Variants in C1R observed in about 807,000 individuals in gnomAD.
C1R encodes the protein complement C1r subcomponent.
C1R carries 15 observed loss-of-function variants against 27.6 expected under a neutral mutation model. The ratio of observed to expected loss-of-function variants is 0.54; its 90% CI spans 0.36 to 0.84. The LOEUF (loss-of-function observed/expected upper bound fraction) is 0.84, where lower values mean the gene tolerates loss of function less well. C1R is among the 40% of genes least tolerant of loss of function. The probability of loss-of-function intolerance (pLI) is 0.01; values close to 1 mark genes in which losing one functional copy is unlikely to be tolerated. For synonymous variants in C1R, 253 were observed against 228.8 expected (o/e 1.11, Z -0.95); for missense variants, 544 against 577.9 (o/e 0.94, Z 0.60).
At chr12:7,092,204 G>A (rs973382237) in intron 1 of C1R, 183 bp downstream of exon 1, 2 of 659,342 alleles carry the variant, frequency 3.0e-6, no homozygotes, top group African/African-American at 1.8e-5. Context: ...TATGTATGAA[G>A]TCTCCTCTGA....
chr12:7,091,482 A>C lies in C1R; in HGVS notation c.201T>G (p.Pro67=). ...CATAATCATAGAAGCAGCCTTCAGAAGGCTCCAGGTCAAACTGCTGGAAGA... is the reference window on the plus strand; with the variant it reads ...CATAATCATAGAAGCAGCCTTCAGACGGCTCCAGGTCAAACTGCTGGAAGA... ...KLVFQQFDLE[P]SEGCFYDYVK... The change falls in exon 2 of 11, where the codon CCT becomes CCG. Residue 67 remains proline (P), a synonymous_variant. Coordinates refer to ENST00000647956, the MANE Select transcript of C1R (RefSeq NM_001733.7). This position sits in a 1 kb window ranked among gnomAD's most constrained non-coding sequence, Gnocchi z 5.1. 1 of 775,168 alleles carries C rather than the reference A, an allele frequency of 1.3e-6. No individual in the cohort carries two copies. Among genetic ancestry groups the C allele is most frequent in the African/African-American group, 1.7e-5 (1 of 59,142 alleles). The allele number at this position is 775,168 out of a possible 1,614,324, so 48.0% of individuals were successfully genotyped here.
At chr12:7,085,678 C>T in intron 9 of C1R, among the ~76,000 whole-genome samples, 183 bp downstream of exon 9, 1 of 152,194 alleles carries the variant, frequency 6.6e-6, no homozygotes, top group Non-Finnish European at 1.5e-5. Flanking sequence ...TTCTTTGCAT[C>T]AGCTCAGATG....
Position 7,080,311 on chromosome 12 carries a change from T to C in C1R, c.*221A>G, listed in dbSNP as rs749454992. ...GAGGAAAGTGACAACTAGAGATTGA[T>C]AACTATATCCTCTGCAATCCTCAGA... On this transcript the variant is annotated 3_prime_UTR_variant, in exon 11 of 11. Coordinates refer to ENST00000647956, the MANE Select transcript of C1R (RefSeq NM_001733.7). This position sits in a 1 kb window ranked among gnomAD's most constrained non-coding sequence, Gnocchi z 4.9. 57 of 1,238,960 alleles carry C rather than the reference T, an allele frequency of 4.6e-5. No individual in the cohort carries two copies. The highest frequency in any genetic ancestry group is 5.6e-5 in the Non-Finnish European group (55 of 990,604). The allele number at this position is 1,238,960 out of a possible 1,614,324, so 76.7% of individuals were successfully genotyped here. A position where few individuals can be genotyped will look rare whatever the true frequency, so the allele number is the denominator to read the frequency against.
chr12:7,081,083 G>A lies in C1R; in HGVS notation c.1567C>T (p.His523Tyr). ...SNASLDVFLGHTNVEELMKLG... is the reference protein window; with the variant it reads ...SNASLDVFLGYTNVEELMKLG... Reference sequence around the variant, plus strand: ...TTCATGAGCTCTTCCACATTTGTGTGGCCCAGGAACACATCCAAAGAGGCG... The same window carrying A: ...TTCATGAGCTCTTCCACATTTGTGTAGCCCAGGAACACATCCAAAGAGGCG... The change falls in exon 11 of 11, where the codon CAC (histidine) becomes TAC (tyrosine). Residue 523 changes from histidine to tyrosine, a missense_variant. Around this residue, in one of 2 missense-constraint regions of C1R, gnomAD observed 253 missense variants for 368.9 expected, o/e 0.69. Transcript: ENST00000647956. 6.2e-7 allele frequency: 1 copy of A among 1,614,048 alleles called. No homozygotes were observed. Among genetic ancestry groups the A allele is most frequent in the Non-Finnish European group, 8.5e-7 (1 of 1,179,902 alleles).
At position 7,080,811 on chromosome 12, in the gene C1R, G is replaced by T. The variant is rs776397231; in HGVS notation, c.1839C>A (p.Pro613=). The change falls in exon 11 of 11, where the codon CCC becomes CCA. Residue 613 remains proline, a synonymous_variant. Coordinates refer to ENST00000647956, the MANE Select transcript of C1R (RefSeq NM_001733.7). The surrounding 1 kb of genome is among the most constrained non-coding windows in gnomAD (Gnocchi z 4.9). ...TCTCACAGGCCTGTGGATTAGCTAC[G>T]GGCAGACGGACAAACCTGAGGTCAT... is the stretch of plus-strand genomic sequence containing the variant. ...IAHDLRFVRL[P]VANPQACENW... 9 of 1,613,882 alleles carry T rather than the reference G, an allele frequency of 5.6e-6. No homozygotes were observed. The highest frequency in any genetic ancestry group is 7.6e-6 in the Non-Finnish European group (9 of 1,179,844).
At position 7,092,422 on chromosome 12, in the gene C1R, C is replaced by T. The variant is rs1202195716; in HGVS notation, c.-34G>A. On this transcript the variant is annotated 5_prime_UTR_variant, in exon 1 of 11. Transcript: ENST00000647956. ...GCCCGTGTTGAATCCTGGGCTCTCC[C>T]GACAGCGTCTTCGTGCACTGTGTGC... 3.8e-6 allele frequency: 3 copies of T among 780,706 alleles called. No homozygotes were observed. Among genetic ancestry groups the T allele is most frequent in the South Asian group, 1.3e-5 (1 of 74,590 alleles). 48.4% of individuals were successfully genotyped at this position (780,706 alleles called of 1,614,324 possible).
At chr12:7,083,530 G>GTTA (rs1938104992) in intron 9 of C1R, among the ~76,000 whole-genome samples, 3 of 150,902 alleles carry the variant, frequency 2.0e-5, no homozygotes, top group Non-Finnish European at 4.4e-5. Flanking sequence ...TGGTAATGGT[G>GTTA]GTGGTGATCA....
At chr12:7,083,161 C>T (rs1938093560) in intron 9 of C1R, among the ~76,000 whole-genome samples, 1 of 152,068 alleles carries the variant, frequency 6.6e-6, no homozygotes, top group South Asian at 2.1e-4. Flanking sequence ...AGGGGAGTTT[C>T]ACTGAGTTAG....
At chr12:7,083,297 A>G (rs905799402) in intron 9 of C1R, among the ~76,000 whole-genome samples, 1 of 63,372 alleles carries the variant, frequency 1.6e-5, no homozygotes, top group Non-Finnish European at 3.2e-5. Flanking sequence ...GTTGGTAGTG[A>G]TGATGGTGTT....
chr12:7,086,497 G>A, intron 7 of C1R, 40 bp from the exon 8 acceptor site: 1 of 398,570 alleles, frequency 2.5e-6, no homozygotes, highest in Non-Finnish European at 4.4e-6. Flanking sequence ...GTGCCAAGAG[G>A]CAATGGAGGT....
At position 7,088,579 on chromosome 12, in the gene C1R, C is replaced by T. The variant is rs746090131; in HGVS notation, c.1038+31G>A. The T allele has an allele frequency of 2.8e-5, 20 of 718,876 alleles. No individual in the cohort carries two copies. In the Admixed American group the frequency reaches 2.8e-4, roughly 10 times the overall value. 44.5% of individuals were successfully genotyped at this position (718,876 alleles called of 1,614,324 possible). Reference sequence around the variant, plus strand: ...CTGAATTCCTCCTGGGGTGCTGGGCCGGCTCTCTCCCCTCAGCCCTGGGCT... The same window carrying T: ...CTGAATTCCTCCTGGGGTGCTGGGCTGGCTCTCTCCCCTCAGCCCTGGGCT... On this transcript the variant is annotated intron_variant, in intron 7 of 10. Coordinates refer to ENST00000647956, the MANE Select transcript of C1R (RefSeq NM_001733.7).
Position 7,081,174 on chromosome 12 carries a change from C to A in C1R, c.1476G>T (p.Leu492=), listed in dbSNP as rs1205364574. The A allele has an allele frequency of 6.2e-7, 1 of 1,613,950 alleles. No individual in the cohort carries two copies. The highest frequency in any genetic ancestry group is 1.1e-5 in the South Asian group (1 of 91,082). The change falls in exon 11 of 11, where the codon CTG becomes CTT. Residue 492 remains leucine (L), a synonymous_variant. Coordinates refer to ENST00000647956, the MANE Select transcript of C1R (RefSeq NM_001733.7). ...NIHGRGGGAL[L]GDRWILTAAH... is the part of the protein sequence containing the mutation. ...CAGCTGTGAGGATCCAGCGGTCGCC[C>A]AGCAGGGCCCCGCCCCCGCGCCCGT...
chr12:7,088,874 TC>T lies in C1R; in HGVS notation c.880del (p.Asp294ThrfsTer22), dbSNP rs1565630485. The part of the protein sequence containing the change: ...DLLFFTDESG[D>X]SRGWKLRYTT... ...GTAGCGCAGCTTCCAGCCCCGGCTG[TC>T]CCCCGACTCATCTGTGAAGAACAGC... On this transcript the variant is annotated frameshift_variant, in exon 6 of 11. Coordinates refer to ENST00000647956, the MANE Select transcript of C1R (RefSeq NM_001733.7). LOFTEE classifies it high-confidence loss of function. The T allele has an allele frequency of 2.6e-6, 2 of 776,554 alleles. No individual in the cohort carries two copies. The highest frequency in any genetic ancestry group is 4.8e-6 in the Non-Finnish European group (2 of 416,688). 48.1% of individuals were successfully genotyped at this position (776,554 alleles called of 1,614,324 possible).
rs1390583501 is a variant in C1R at position 7,091,550 on chromosome 12, T to C, written c.133A>G (p.Thr45Ala). The change falls in exon 2 of 11, where the codon ACC (threonine) becomes GCC (alanine). Residue 45 changes from threonine (T) to alanine (A), a missense_variant. Physicochemically the swap from Thr to Ala is moderately conservative, Grantham distance 58. Around this residue, in one of 2 missense-constraint regions of C1R, gnomAD observed 291 missense variants for 209.0 expected, o/e 1.39. Coordinates refer to ENST00000647956, the MANE Select transcript of C1R (RefSeq NM_001733.7). This position sits in a 1 kb window ranked among gnomAD's most constrained non-coding sequence, Gnocchi z 5.1. ...CCCGTGGGGACTGTGATCACAGTGG[T>C]TGTTTCAAAGTTGTTGGGGTAAGGC... ...PKPYPNNFETTTVITVPTGYR... is the reference protein window; with the variant it reads ...PKPYPNNFETATVITVPTGYR... 1.3e-6 allele frequency: 1 copy of C among 778,252 alleles called. No individual in the cohort carries two copies. The highest frequency in any genetic ancestry group is 2.4e-6 in the Non-Finnish European group (1 of 416,954). The allele number at this position is 778,252 out of a possible 1,614,324, so 48.2% of individuals were successfully genotyped here. A position where few individuals can be genotyped will look rare whatever the true frequency, so the allele number is the denominator to read the frequency against.
At chr12:7,082,134 T>C in intron 9 of C1R, 28 bp from the exon 10 acceptor site, 1 of 1,336,302 alleles carries the variant, frequency 7.5e-7, no homozygotes, top group Non-Finnish European at 1.0e-6. Context: ...AAGAATCAAG[T>C]TGGGGGGTGA....
At position 7,080,533 on chromosome 12, in the gene C1R, C is replaced by A; in HGVS notation, c.2117G>T (p.Ter706LeuextTer33). 6.4e-7 allele frequency: 1 copy of A among 1,552,232 alleles called. No homozygotes were observed. The highest frequency in any genetic ancestry group is 1.9e-5 in the Admixed American group (1 of 52,864). ...ATTCGAACCTAGTGAATTCTGGGCT[C>A]AGTCCTCCTCCTCCATCTCTTTCTT... is the stretch of plus-strand genomic sequence containing the variant. ...WIKKEMEEED[*>L] Residue 706 changes from the stop codon to leucine (L), a stop_lost, in exon 11 of 11, where the codon TGA (stop) becomes TTA (leucine). Coordinates refer to ENST00000647956, the MANE Select transcript of C1R (RefSeq NM_001733.7). The surrounding 1 kb of genome is among the most constrained non-coding windows in gnomAD (Gnocchi z 4.9).
At chr12:7,087,711 A>T (rs1347165968) in intron 7 of C1R, 1 of 154,418 alleles carries the variant, frequency 6.5e-6, no homozygotes, top group Non-Finnish European at 1.5e-5. Context: ...TTGATGCAAC[A>T]TTCAAATGTG....
Position 7,088,853 on chromosome 12 carries a change from C to T in C1R, c.902G>A (p.Arg301His), listed in dbSNP as rs760277934. The change falls in exon 6 of 11, where the codon CGC (arginine) becomes CAC (histidine). Residue 301 changes from arginine (R) to histidine (H), a missense_variant. Arg to His is a conservative substitution (Grantham distance 29). Coordinates refer to ENST00000647956, the MANE Select transcript of C1R (RefSeq NM_001733.7). ...ESGDSRGWKL[R>H]YTTEIIKCPQ... is the part of the protein sequence containing the mutation. ...GGGAGCCTTACTCTCGGTGGTGTAG[C>T]GCAGCTTCCAGCCCCGGCTGTCCCC... is the stretch of plus-strand genomic sequence containing the variant. The T allele has an allele frequency of 1.2e-5, 9 of 771,514 alleles. No homozygotes were observed. The highest frequency in any genetic ancestry group is 3.4e-5 in the African/African-American group (2 of 58,146). The allele number at this position is 771,514 out of a possible 1,614,324, so 47.8% of individuals were successfully genotyped here.
Position 7,080,396 on chromosome 12 carries a change from A to G in C1R, c.*136T>C. Reference sequence around the variant, plus strand: ...AAGTACATCAATGGGACTACAGGAAAGAGAATTTCACACACGGTCTTTCTG... The same window carrying G: ...AAGTACATCAATGGGACTACAGGAAGGAGAATTTCACACACGGTCTTTCTG... On this transcript the variant is annotated 3_prime_UTR_variant, in exon 11 of 11. Coordinates refer to ENST00000647956, the MANE Select transcript of C1R (RefSeq NM_001733.7). The surrounding 1 kb of genome is among the most constrained non-coding windows in gnomAD (Gnocchi z 4.9). 2 of 1,419,772 alleles carry G rather than the reference A, an allele frequency of 1.4e-6. No individual in the cohort carries two copies. Among genetic ancestry groups the G allele is most frequent in the Non-Finnish European group, 1.8e-6 (2 of 1,089,384 alleles). The allele number at this position is 1,419,772 out of a possible 1,614,324, so 87.9% of individuals were successfully genotyped here.
Sources: gnomAD v4.1 joint callset for allele counts (sites outside exome capture counted in the v4.1 genomes callset) on GRCh38, gnomAD v4.1.1 for gene constraint, gnomAD v4.1.1 regional missense constraint, Gnocchi (gnomAD v3.1) non-coding constraint, MANE v1.5 for transcripts, NCBI Gene and HGNC (gene_info 2026-07-23, HGNC 2026-07-21) for gene names.